SERINC3: variants seen among roughly 807,000 people sequenced by gnomAD.
The protein encoded by SERINC3 is tumor differentially expressed protein 1.
SERINC3 carries 22 observed loss-of-function variants against 52.1 expected under a neutral mutation model. That is an observed-to-expected ratio of 0.42 (90% CI 0.30 to 0.60). The LOEUF is 0.60. SERINC3 is among the 20% of genes least tolerant of loss of function. The pLI is 0.16. For synonymous variants in SERINC3, 226 were observed against 212.7 expected, an observed-to-expected ratio of 1.06 and a Z score of -0.54; for missense variants, 564 against 584.6, an observed-to-expected ratio of 0.96 and a Z score of 0.36.
At chr20:44,519,048 G>C (rs763444131) in intron 1 of SERINC3, among the ~76,000 whole-genome samples, 3 of 151,136 alleles carry the variant, frequency 2.0e-5, no homozygotes, top group Non-Finnish European at 4.4e-5. Flanking sequence ...GTGTGTACAT[G>C]TCTTGCATGC....
At chr20:44,521,023 C>T (rs2064413236) in intron 1 of SERINC3, among the ~76,000 whole-genome samples, 1 of 152,194 alleles carries the variant, frequency 6.6e-6, no homozygotes, top group African/African-American at 2.4e-5. Context: ...ACTTGTAGGG[C>T]ACCAAGTTGG....
chr20:44,497,282 GCATT>G (rs1462371743), downstream of SERINC3: 1 of 152,166 alleles, frequency 6.6e-6, no homozygotes, highest in African/African-American at 2.4e-5. Context: ...ATATAATTCA[GCATT>G]CACATGTATA....
rs909666511 is a variant in SERINC3, at chr20:44,504,895, T to C, written c.784-4A>G. ...GGCCGGAGCGAGGCTGGTGTTCCTA[T>C]GGAATCAAAAGGAAAACAGTGGCAC... On this transcript the variant is annotated splice_polypyrimidine_tract_variant and splice_region_variant and intron_variant, in intron 6 of 9. Coordinates refer to ENST00000342374, the MANE Select transcript of SERINC3 (RefSeq NM_006811.4). 18 of 1,612,078 alleles carry C rather than the reference T, an allele frequency of 1.1e-5. No homozygotes were observed. The highest frequency in any genetic ancestry group is 1.7e-5 in the Admixed American group (1 of 59,964).
chr20:44,511,428 A>G, intron 3 of SERINC3, 60 bp from the exon 4 acceptor site: 1 of 1,090,334 alleles, frequency 9.2e-7, no homozygotes, highest in Non-Finnish European at 1.4e-6. Flanking sequence ...ACTGAGAAAA[A>G]TTCATTTCTG....
chr20:44,506,586 A>G (rs1324473833), intron 6 of SERINC3, among the ~76,000 whole-genome samples: 1 of 129,916 alleles, frequency 7.7e-6, no homozygotes, highest in Non-Finnish European at 1.6e-5. Flanking sequence ...CTCCATCTCA[A>G]AAAAAAAAAA....
At position 44,511,416 on chromosome 20, in the gene SERINC3, A is replaced by C. The variant is rs763472729; in HGVS notation, c.396-48T>G. 7 of 1,201,912 alleles carry C rather than the reference A, an allele frequency of 5.8e-6. No individual in the cohort carries two copies. In the African/African-American group the frequency reaches 1.1e-4, roughly 18 times the overall value. The allele number at this position is 1,201,912 out of a possible 1,614,324, so 74.5% of individuals were successfully genotyped here. ...TTATGAAATGCTAAGTTTCACCCTT[A>C]TACTGAGAAAAATTCATTTCTGAAA... On this transcript the variant is annotated intron_variant, in intron 3 of 9. Transcript: ENST00000342374.
chr20:44,513,844 A>G, intron 2 of SERINC3, 35 bp downstream of exon 2: 1 of 1,478,002 alleles, frequency 6.8e-7, no homozygotes, highest in Non-Finnish European at 9.1e-7. Flanking sequence ...AAAAATAAAA[A>G]TAACCAATAC....
chr20:44,514,962 T>C (rs968165804), intron 1 of SERINC3, among the ~76,000 whole-genome samples: 1 of 152,134 alleles, frequency 6.6e-6, no homozygotes, highest in Non-Finnish European at 1.5e-5. Flanking sequence ...AACAAAAGCT[T>C]GTACACGAAT....
At chr20:44,505,879 C>T (rs967032533) in intron 6 of SERINC3, among the ~76,000 whole-genome samples, 2 of 152,006 alleles carry the variant, frequency 1.3e-5, no homozygotes, top group Non-Finnish European at 2.9e-5. Context: ...GGATTACAGG[C>T]GTTAAGCCAC....
chr20:44,510,008 T>C lies in SERINC3; in HGVS notation c.496A>G (p.Ile166Val). Residue 166 changes from isoleucine (I) to valine (V), a missense_variant, in exon 5 of 10, where the codon ATA (isoleucine) becomes GTA (valine). By Grantham distance (29) the Ile-to-Val change is conservative. Coordinates refer to ENST00000342374, the MANE Select transcript of SERINC3 (RefSeq NM_006811.4). The stretch of plus-strand genomic sequence containing the variant: ...ATGAGGATGAAGAGGGCGGCCCCTA[T>C]CATGCCAACAACAAACCAGACTACA... ...FSSVWFVVGM[I>V]GAALFILIQL... is the part of the protein sequence containing the mutation. 2 of 1,614,140 alleles carry C rather than the reference T, an allele frequency of 1.2e-6. No individual in the cohort carries two copies. Among genetic ancestry groups the C allele is most frequent in the Non-Finnish European group, 1.7e-6 (2 of 1,179,988 alleles).
At chr20:44,518,386 A>G (rs1448090531) in intron 1 of SERINC3, among the ~76,000 whole-genome samples, 1 of 151,740 alleles carries the variant, frequency 6.6e-6, no homozygotes, top group Admixed American at 6.6e-5. Context: ...TTTAAGCTGA[A>G]GCATCTGAGC....
At chr20:44,512,488 A>G (rs1269385973) in intron 3 of SERINC3, among the ~76,000 whole-genome samples, 1 of 152,164 alleles carries the variant, frequency 6.6e-6, no homozygotes, top group African/African-American at 2.4e-5. Context: ...AACAGAAAGA[A>G]AAAAGTGTGT....
At chr20:44,497,170 T>C (rs1195586323), downstream of SERINC3, among the ~76,000 whole-genome samples, 2 of 152,192 alleles carry the variant, frequency 1.3e-5, no homozygotes, top group East Asian at 1.9e-4. Context: ...AAGGTACTCA[T>C]CTGGAATGAA....
chr20:44,509,842 C>T lies in SERINC3; in HGVS notation c.613+49G>A, dbSNP rs562116685. On this transcript the variant is annotated intron_variant, in intron 5 of 9. Transcript: ENST00000342374. ...TATAATGATGATTTTTATTGTACACCGTGCTTAATGTAGCAGTATGGCTAA... is the reference window on the plus strand; with the variant it reads ...TATAATGATGATTTTTATTGTACACTGTGCTTAATGTAGCAGTATGGCTAA... The T allele has an allele frequency of 4.7e-5, 75 of 1,587,604 alleles. 1 individual carries two copies. The highest frequency in any genetic ancestry group is 1.9e-4 in the African/African-American group (14 of 74,444).
chr20:44,517,915 T>C (rs1285223984), intron 1 of SERINC3, among the ~76,000 whole-genome samples: 1 of 152,218 alleles, frequency 6.6e-6, no homozygotes, highest in Admixed American at 6.5e-5. Context: ...ATGTCATTTT[T>C]CTATTTCAGT....
intron 1 of SERINC3, 50 bp from the exon 2 acceptor site, chr20:44,514,090 T>C (rs1436463327): frequency 6.4e-7 from 1 of 1,552,678 alleles, no homozygotes; most frequent in Admixed American, 1.9e-5. Context: ...GTATACTCCT[T>C]TATGACACAG....
chr20:44,507,537 C>G (rs1245702695), intron 5 of SERINC3, among the ~76,000 whole-genome samples: 2 of 152,148 alleles, frequency 1.3e-5, no homozygotes, highest in African/African-American at 4.8e-5. Flanking sequence ...TTTTTAATAT[C>G]TAAAGTAATG....
intron 1 of SERINC3, among the ~76,000 whole-genome samples, chr20:44,517,895 A>G (rs1360103765): frequency 1.3e-5 from 2 of 152,178 alleles, no homozygotes; most frequent in East Asian, 3.8e-4. Flanking sequence ...AATCTGTCCT[A>G]CTATATGTTA....
At chr20:44,501,862 G>A (rs1218273227) in intron 8 of SERINC3, among the ~76,000 whole-genome samples, 1 of 152,152 alleles carries the variant, frequency 6.6e-6, no homozygotes, top group Non-Finnish European at 1.5e-5. Context: ...TTAAATGACT[G>A]AATAAAAATG....
Sources: allele counts gnomAD v4.1 joint callset (sites outside exome capture counted in the v4.1 genomes callset), GRCh38; gene constraint gnomAD v4.1.1; transcripts MANE v1.5; gene names NCBI Gene and HGNC (gene_info 2026-07-23, HGNC 2026-07-21).